PIP5K1C: variants seen among roughly 807,000 people sequenced by gnomAD.
PIP5K1C encodes phosphatidylinositol 4-phosphate 5-kinase type-1 gamma.
In PIP5K1C, 45 loss-of-function variants were observed where a neutral mutation model predicts 80.1. The ratio of observed to expected loss-of-function variants is 0.56; its 90% confidence interval spans 0.44 to 0.72. The LOEUF (loss-of-function observed/expected upper bound fraction) is 0.72, where lower values mean the gene tolerates loss of function less well. PIP5K1C is among the 30% of genes least tolerant of loss of function. The probability of loss-of-function intolerance (pLI) is 0.00; values close to 1 mark genes in which losing one functional copy is unlikely to be tolerated. For missense variants in PIP5K1C, 753 were observed against 954.6 expected (o/e 0.79, Z 2.78); for synonymous variants, 498 against 420.1 (o/e 1.19, Z -2.27).
At chr19:3,662,082 A>G in intron 3 of PIP5K1C, 81 bp from the exon 4 acceptor site, 3 of 1,485,664 alleles carry the variant, frequency 2.0e-6, no homozygotes, top group South Asian at 1.2e-5. Context: ...GGGGGTGGAG[A>G]TCGTGACCAG....
At chr19:3,652,289 G>C (rs1444001201) in intron 7 of PIP5K1C, among the ~76,000 whole-genome samples, 1 of 152,260 alleles carries the variant, frequency 6.6e-6, no homozygotes, top group Non-Finnish European at 1.5e-5. Context: ...CACTGAGACA[G>C]GGACTTCCCT....
chr19:3,641,466 C>G (rs370823643), intron 15 of PIP5K1C, among the ~76,000 whole-genome samples: 8 of 152,290 alleles, frequency 5.3e-5, no homozygotes, highest in African/African-American at 1.9e-4. Flanking sequence ...GAGCACCCCC[C>G]AGTTCTAACA....
chr19:3,634,363 G>A (rs1002084677), intron 16 of PIP5K1C, among the ~76,000 whole-genome samples: 16 of 149,758 alleles, frequency 1.1e-4, no homozygotes, highest in African/African-American at 2.2e-4. Context: ...CAGCCTGGCC[G>A]CCCTGTCTTC....
At chr19:3,682,798 C>T (rs138977179) in intron 1 of PIP5K1C, among the ~76,000 whole-genome samples, 57 of 152,334 alleles carry the variant, frequency 3.7e-4, no homozygotes, top group African/African-American at 1.3e-3. Flanking sequence ...AGCTTCACCA[C>T]AGCCTCATGA....
intron 1 of PIP5K1C, among the ~76,000 whole-genome samples, chr19:3,698,574 G>C (rs1486992312): frequency 6.6e-6 from 1 of 152,250 alleles, no homozygotes; most frequent in Non-Finnish European, 1.5e-5. Flanking sequence ...TGGGTCACTT[G>C]TGGCTGTCAC....
At position 3,648,708 on chromosome 19, in the gene PIP5K1C, C is replaced by T. The variant is rs1161473767; in HGVS notation, c.1128G>A (p.Thr376=). 1.2e-6 allele frequency: 2 copies of T among 1,612,820 alleles called. No homozygotes were observed. Among genetic ancestry groups the T allele is most frequent in the South Asian group, 1.1e-5 (1 of 91,074 alleles). ...ARGEAIESDD[T]MGGIPAVNGR... is the part of the protein sequence containing the mutation. ...CGTTCACAGCGGGGATCCCGCCCAT[C>T]CTGGGGAGAGAGGCCGAGGGTACCA... Residue 376 remains threonine (T), a splice_region_variant and synonymous_variant, in exon 9 of 18, where the codon ACG becomes ACA. Transcript: ENST00000335312. This position sits in a 1 kb window ranked among gnomAD's most constrained non-coding sequence, Gnocchi z 4.3.
Position 3,637,238 on chromosome 19 carries a change from T to TGGGGTCTGGCC in PIP5K1C, c.1920+1635_1920+1645dup. 1 of 1,443,272 alleles carries TGGGGTCTGGCC rather than the reference T, an allele frequency of 6.9e-7. No individual in the cohort carries two copies. Among genetic ancestry groups the TGGGGTCTGGCC allele is most frequent in the Non-Finnish European group, 9.1e-7 (1 of 1,102,182 alleles). The allele number at this position is 1,443,272 out of a possible 1,614,324, so 89.4% of individuals were successfully genotyped here. The stretch of plus-strand genomic sequence containing the variant: ...GGTCCAGGGGCAGAGAGGGGCTCGC[T>TGGGGTCTGGCC]GGGGTCTGGCCGGGGTCCGAAGCAG... On this transcript the variant is annotated intron_variant, in intron 16 of 17. Coordinates refer to ENST00000335312, the MANE Select transcript of PIP5K1C (RefSeq NM_012398.3). This position sits in a 1 kb window ranked among gnomAD's most constrained non-coding sequence, Gnocchi z 7.0.
intron 5 of PIP5K1C, 92 bp downstream of exon 5, chr19:3,660,874 G>A (rs2034809383): frequency 2.1e-6 from 2 of 967,320 alleles, no homozygotes; most frequent in South Asian, 1.3e-5. Flanking sequence ...AACCCAGGGA[G>A]GCTGCCCCCA....
intron 1 of PIP5K1C, among the ~76,000 whole-genome samples, chr19:3,695,175 A>G (rs2036064257): frequency 6.6e-6 from 1 of 152,182 alleles, no homozygotes; most frequent in Non-Finnish European, 1.5e-5. Context: ...TTAGCACCAG[A>G]AGACTGGGCA....
rs557762735 is a variant in PIP5K1C, at chr19:3,659,350, G to A, written c.468+1616C>T. Reference sequence around the variant, plus strand: ...GAAGGATTCGGGGGTCACCAACACCGGGCTGGCTCCCCAGATGCTGTGGGT... The same window carrying A: ...GAAGGATTCGGGGGTCACCAACACCAGGCTGGCTCCCCAGATGCTGTGGGT... On this transcript the variant is annotated intron_variant, in intron 5 of 17. Coordinates refer to ENST00000335312, the MANE Select transcript of PIP5K1C (RefSeq NM_012398.3). Among the ~76,000 whole-genome samples the A allele has an allele frequency of 3.3e-5, 5 of 152,330 alleles. No homozygotes were observed. In the South Asian group the frequency reaches 8.3e-4, roughly 25 times the overall value.
chr19:3,699,096 G>A (rs2036213725), intron 1 of PIP5K1C, among the ~76,000 whole-genome samples: 1 of 151,994 alleles, frequency 6.6e-6, no homozygotes, highest in African/African-American at 2.4e-5. Flanking sequence ...CTTTGTCTCT[G>A]ACCAGCTGGG....
chr19:3,651,712 A>G, intron 8 of PIP5K1C, 114 bp downstream of exon 8: 2 of 1,051,568 alleles, frequency 1.9e-6, no homozygotes, highest in Non-Finnish European at 2.9e-6. Flanking sequence ...TCTGTCACCC[A>G]CGCATGCCCT....
intron 15 of PIP5K1C, 40 bp from the exon 16 acceptor site, chr19:3,639,056 C>T (rs1707411049): frequency 6.2e-7 from 1 of 1,604,048 alleles, no homozygotes; most frequent in African/African-American, 1.3e-5. Flanking sequence ...ACCCTCAGGC[C>T]CCACACGGAG....
intron 10 of PIP5K1C, among the ~76,000 whole-genome samples, chr19:3,646,807 C>A (rs1172199174): frequency 6.6e-6 from 1 of 152,158 alleles, no homozygotes; most frequent in East Asian, 1.9e-4. Context: ...AGGCTGTGGT[C>A]ACACAGACGT....
intron 8 of PIP5K1C, among the ~76,000 whole-genome samples, chr19:3,650,890 G>A (rs2079658): frequency 0.17 from 25,271 of 151,946 alleles, 2,750 homozygotes; most frequent in Admixed American, 0.3. Flanking sequence ...CCAAGTAGCT[G>A]GGATTACAGG....
rs112494829 is a variant in PIP5K1C, at chr19:3,644,051, A to G, written c.1510+36T>C. 1,490 of 1,606,786 alleles carry G rather than the reference A, an allele frequency of 9.3e-4. 11 individuals are homozygous for G. In the African/African-American group the frequency reaches 0.018, roughly 19 times the overall value. ...CGGGGCTGCTGCTGGCACCCCCTGT[A>G]GCGCCCACAAGCGCACTCTGCCCTC... On this transcript the variant is annotated intron_variant, in intron 12 of 17. Coordinates refer to ENST00000335312, the MANE Select transcript of PIP5K1C (RefSeq NM_012398.3).
Position 3,656,550 on chromosome 19 carries a change from AG to A in PIP5K1C, c.475del (p.Leu159CysfsTer6). On this transcript the variant is annotated frameshift_variant, in exon 6 of 18. Coordinates refer to ENST00000335312, the MANE Select transcript of PIP5K1C (RefSeq NM_012398.3). LOFTEE classifies it high-confidence loss of function. ...CAGCTCGATCAGCGGCTCATTGCAC[AG>A]GGAGTACTGGAAGCAGAGGAGGCGG... ...GIRPDDYLYS[L>X]CNEPLIELSN... 1 of 1,613,642 alleles carries A rather than the reference AG, an allele frequency of 6.2e-7. No individual in the cohort carries two copies. Among genetic ancestry groups the A allele is most frequent in the Non-Finnish European group, 8.5e-7 (1 of 1,179,942 alleles).
chr19:3,648,632 A>G lies in PIP5K1C; in HGVS notation c.1204T>C (p.Ser402Pro). Reference protein sequence around the residue: ...LHIGIIDILQSYRFIKKLEHT... With the variant: ...LHIGIIDILQPYRFIKKLEHT... ...GCAGACCCGGGCACCCACCTGTAGG[A>G]CTGCAGGATGTCGATGATGCCAATG... The change falls in exon 9 of 18, where the codon TCC becomes CCC. Residue 402 changes from serine (S) to proline (P), a missense_variant. Around this residue, in one of 6 missense-constraint regions of PIP5K1C, gnomAD observed 114 missense variants for 152.4 expected, o/e 0.75. Coordinates refer to ENST00000335312, the MANE Select transcript of PIP5K1C (RefSeq NM_012398.3). This position sits in a 1 kb window ranked among gnomAD's most constrained non-coding sequence, Gnocchi z 4.3. The G allele has an allele frequency of 6.2e-7, 1 of 1,612,712 alleles. No homozygotes were observed. The highest frequency in any genetic ancestry group is 8.5e-7 in the Non-Finnish European group (1 of 1,179,634).
In PIP5K1C at chr19:3,640,203, G is replaced by A. The variant is rs557936048; in HGVS notation, c.1788-1187C>T. On this transcript the variant is annotated intron_variant, in intron 15 of 17. Coordinates refer to ENST00000335312, the MANE Select transcript of PIP5K1C (RefSeq NM_012398.3). Reference sequence around the variant, plus strand: ...TGCAAGCATGGGATTATACACACCAGACAGATGACAGAAAAGTAAAAACAT... The same window carrying A: ...TGCAAGCATGGGATTATACACACCAAACAGATGACAGAAAAGTAAAAACAT... Among the ~76,000 whole-genome samples, 3 of 152,128 alleles carry A rather than the reference G, an allele frequency of 2.0e-5. No homozygotes were observed. The South Asian group carries it at 6.2e-4, about 32-fold the overall frequency.
Sources: allele counts gnomAD v4.1 joint callset (sites outside exome capture counted in the v4.1 genomes callset), GRCh38; gene constraint gnomAD v4.1.1; regional missense constraint gnomAD v4.1.1; non-coding constraint Gnocchi (gnomAD v3.1); transcripts MANE v1.5; gene names NCBI Gene and HGNC (gene_info 2026-07-23, HGNC 2026-07-21).